Variants in MAML3 observed in about 807,000 individuals in gnomAD.
The protein encoded by MAML3 is mastermind-like protein 3.
Under a neutral mutation model 101.9 loss-of-function variants are expected in MAML3, and 27 were observed. The ratio of observed to expected loss-of-function variants is 0.27; its 90% CI spans 0.20 to 0.37. The LOEUF (loss-of-function observed/expected upper bound fraction) is 0.37, where lower values mean the gene tolerates loss of function less well. Ranked by LOEUF, MAML3 falls within the 10% of genes least tolerant of loss-of-function variation. The pLI is 1.00. For synonymous variants in MAML3, 501 were observed against 555.9 expected (o/e 0.90, Z 1.39); for missense variants, 1,316 against 1,444.9 (o/e 0.91, Z 1.45).
intron 1 of MAML3, among the ~76,000 whole-genome samples, chr4:140,047,499 C>T (rs1364068083): frequency 2.0e-5 from 3 of 152,192 alleles, no homozygotes; most frequent in Admixed American, 1.3e-4. Flanking sequence ...GATGAAGGCG[C>T]GGAGCCAGGA....
At chr4:139,792,948 A>G (rs966343977) in intron 2 of MAML3, among the ~76,000 whole-genome samples, 13 of 152,084 alleles carry the variant, frequency 8.5e-5, no homozygotes, top group Admixed American at 2.0e-4. Context: ...GGGTTTCACC[A>G]TGTTAGCCAG....
chr4:139,728,224 C>CA (rs1728555334), intron 3 of MAML3, among the ~76,000 whole-genome samples: 1 of 152,018 alleles, frequency 6.6e-6, no homozygotes, highest in South Asian at 2.1e-4. Flanking sequence ...CAAAACAAAA[C>CA]AAACAAAAAA....
chr4:140,085,074 T>A (rs1727929928), intron 1 of MAML3, among the ~76,000 whole-genome samples: 1 of 152,192 alleles, frequency 6.6e-6, no homozygotes, highest in African/African-American at 2.4e-5. Flanking sequence ...TCCCAGTATC[T>A]GCCCCCAGAC....
At chr4:139,774,523 T>G (rs1018210499) in intron 2 of MAML3, among the ~76,000 whole-genome samples, 1 of 152,234 alleles carries the variant, frequency 6.6e-6, no homozygotes, top group Non-Finnish European at 1.5e-5. Context: ...CTAAGAGTAG[T>G]AGCATTTTAG....
At chr4:139,856,305 T>C (rs1731661363) in intron 2 of MAML3, among the ~76,000 whole-genome samples, 1 of 152,186 alleles carries the variant, frequency 6.6e-6, no homozygotes, top group African/African-American at 2.4e-5. Context: ...GAATTTAACT[T>C]GTCATTTACG....
At chr4:139,762,021 G>A (rs1038215378) in intron 2 of MAML3, among the ~76,000 whole-genome samples, 5 of 151,918 alleles carry the variant, frequency 3.3e-5, no homozygotes, top group African/African-American at 1.2e-4. Flanking sequence ...TGGATGGACC[G>A]AGAGCCCAGG....
intron 2 of MAML3, among the ~76,000 whole-genome samples, chr4:139,844,061 A>G (rs1243293181): frequency 6.6e-6 from 1 of 152,230 alleles, no homozygotes; most frequent in East Asian, 1.9e-4. Flanking sequence ...TCAGGATGGC[A>G]TTTATCAAAT....
intron 1 of MAML3, among the ~76,000 whole-genome samples, chr4:140,139,257 A>G (rs1025399160): frequency 1.3e-5 from 2 of 152,092 alleles, no homozygotes; most frequent in African/African-American, 4.8e-5. Context: ...TGGGTGACAG[A>G]GCAAGTCCCT....
intron 1 of MAML3, among the ~76,000 whole-genome samples, chr4:140,150,663 C>T (rs958606591): frequency 3.9e-5 from 6 of 152,088 alleles, no homozygotes; most frequent in Non-Finnish European, 7.4e-5. Context: ...GAAAAGAGGA[C>T]GCGGGGTGGG....
chr4:139,910,447 G>T (rs369742152), intron 1 of MAML3, among the ~76,000 whole-genome samples: 3 of 152,144 alleles, frequency 2.0e-5, no homozygotes, highest in East Asian at 1.9e-4. Flanking sequence ...TGCTACTGAG[G>T]TACTGGCTTT....
At chr4:139,968,925 C>T (rs900668317) in intron 1 of MAML3, among the ~76,000 whole-genome samples, 2 of 152,022 alleles carry the variant, frequency 1.3e-5, no homozygotes, top group South Asian at 4.1e-4. Flanking sequence ...AGCAGAGCAG[C>T]GTGCTGCCCC....
At chr4:139,928,134 C>T (rs183102856) in intron 1 of MAML3, among the ~76,000 whole-genome samples, 71 of 152,310 alleles carry the variant, frequency 4.7e-4, no homozygotes, top group African/African-American at 1.7e-3. Flanking sequence ...TCCAATCCAA[C>T]ATCACAGGGT....
chr4:139,964,381 T>C (rs566185410), intron 1 of MAML3, among the ~76,000 whole-genome samples: 12 of 152,076 alleles, frequency 7.9e-5, no homozygotes, highest in African/African-American at 2.7e-4. Context: ...TAAGTGGAAG[T>C]TGAACAATGA....
intron 1 of MAML3, among the ~76,000 whole-genome samples, chr4:140,054,226 C>T (rs1229955841): frequency 2.0e-5 from 3 of 151,670 alleles, no homozygotes; most frequent in African/African-American, 4.8e-5. Context: ...AAAAACTAGC[C>T]GGGCATGGGA....
intron 1 of MAML3, among the ~76,000 whole-genome samples, chr4:139,953,885 G>A (rs1024005499): frequency 5.9e-5 from 9 of 152,194 alleles, no homozygotes; most frequent in Admixed American, 3.3e-4. Context: ...ACGGCGACAG[G>A]AGGCTGATAG....
At chr4:140,080,219 A>G (rs1331605465) in intron 1 of MAML3, among the ~76,000 whole-genome samples, 1 of 152,250 alleles carries the variant, frequency 6.6e-6, no homozygotes, top group Non-Finnish European at 1.5e-5. Flanking sequence ...CTAAAGAGGG[A>G]GCTTGAAGGA....
intron 1 of MAML3, among the ~76,000 whole-genome samples, chr4:140,022,335 C>T (rs751300739): frequency 6.6e-6 from 1 of 152,146 alleles, no homozygotes; most frequent in African/African-American, 2.4e-5. Flanking sequence ...ACTATTGGAA[C>T]AGCCTGTTCA....
At chr4:140,125,300 G>C (rs1437907475) in intron 1 of MAML3, among the ~76,000 whole-genome samples, 1 of 152,154 alleles carries the variant, frequency 6.6e-6, no homozygotes, top group Non-Finnish European at 1.5e-5. Flanking sequence ...AGGTGCAGTG[G>C]TACATGCCTG....
intron 1 of MAML3, among the ~76,000 whole-genome samples, chr4:140,048,843 A>G (rs1727222700): frequency 6.6e-6 from 1 of 152,178 alleles, no homozygotes; most frequent in African/African-American, 2.4e-5. Flanking sequence ...ACAAGACGAT[A>G]TACGGAATAC....
Sources: gnomAD v4.1 joint callset for allele counts (sites outside exome capture counted in the v4.1 genomes callset) on GRCh38, gnomAD v4.1.1 for gene constraint, MANE v1.5 for transcripts, NCBI Gene and HGNC (gene_info 2026-07-23, HGNC 2026-07-21) for gene names.